CBR4: variants seen among roughly 807,000 people sequenced by gnomAD.
The protein encoded by CBR4 is 3-oxoacyl-[acyl-carrier-protein] reductase.
In CBR4, 22 loss-of-function variants were observed where a neutral mutation model predicts 21.0. The ratio of observed to expected loss-of-function variants is 1.05; its 90% CI spans 0.75 to 1.50. The LOEUF (loss-of-function observed/expected upper bound fraction) is 1.50, where lower values mean the gene tolerates loss of function less well. CBR4 is among the 40% of genes most tolerant of loss of function. The pLI is 0.00. For missense variants in CBR4, 302 were observed against 286.3 expected, an observed-to-expected ratio of 1.05 and a Z score of -0.40; for synonymous variants, 100 against 104.4, an observed-to-expected ratio of 0.96 and a Z score of 0.26.
intron 2 of CBR4, among the ~76,000 whole-genome samples, chr4:168,965,759 A>C (rs1202697073): frequency 6.6e-6 from 1 of 152,204 alleles, no homozygotes; most frequent in Non-Finnish European, 1.5e-5. Context: ...CTCAAGATGG[A>C]TTAAAGACTT....
intron 1 of CBR4, chr4:169,009,204 A>G (rs1316044769): frequency 2.1e-5 from 8 of 382,086 alleles, no homozygotes; most frequent in Non-Finnish European, 4.0e-5. Flanking sequence ...GCATCTTCGG[A>G]TCTAACGTCC....
At chr4:168,926,188 C>CTTAAT in intron 2 of CBR4, 1 of 1,489,570 alleles carries the variant, frequency 6.7e-7, no homozygotes, top group Non-Finnish European at 8.9e-7. Context: ...GATTAAAAAT[C>CTTAAT]TTAATTTACT....
chr4:168,954,368 T>C (rs1763626646), intron 2 of CBR4, among the ~76,000 whole-genome samples: 1 of 152,192 alleles, frequency 6.6e-6, no homozygotes. Flanking sequence ...GAAAAGAGAT[T>C]TATTTGCTTC....
chr4:168,952,504 T>G (rs1763569595), intron 2 of CBR4, among the ~76,000 whole-genome samples: 1 of 152,196 alleles, frequency 6.6e-6, no homozygotes. Context: ...TTTTGTCATA[T>G]TACCAGAGTT....
At chr4:168,909,044 A>G (rs1758373526) in intron 2 of CBR4, among the ~76,000 whole-genome samples, 1 of 152,222 alleles carries the variant, frequency 6.6e-6, no homozygotes, top group Admixed American at 6.5e-5. Flanking sequence ...GCAATTCATA[A>G]GAGACCAAAG....
intron 2 of CBR4, among the ~76,000 whole-genome samples, chr4:168,982,556 T>C (rs949176245): frequency 6.6e-6 from 1 of 152,164 alleles, no homozygotes; most frequent in African/African-American, 2.4e-5. Flanking sequence ...AACTTGGTAC[T>C]TGACCAAATG....
intron 2 of CBR4, among the ~76,000 whole-genome samples, chr4:168,913,552 A>G (rs1046363888): frequency 6.6e-6 from 1 of 152,168 alleles, no homozygotes; most frequent in Non-Finnish European, 1.5e-5. Flanking sequence ...GACCATGAAA[A>G]TGGAATCTTC....
chr4:169,001,969 A>T, intron 4 of CBR4, 102 bp downstream of exon 4: 1 of 1,109,624 alleles, frequency 9.0e-7, no homozygotes, highest in Non-Finnish European at 1.2e-6. Flanking sequence ...CAATCATTTT[A>T]CAAACTATTC....
chr4:168,936,566 T>C (rs111882523), intron 2 of CBR4, among the ~76,000 whole-genome samples: 526 of 152,120 alleles, frequency 3.5e-3, no homozygotes, highest in Middle Eastern at 0.014. Context: ...CTAACTAGAA[T>C]AACCAGTTTA....
intron 2 of CBR4, among the ~76,000 whole-genome samples, chr4:168,905,693 C>G (rs192794897): frequency 1.6e-3 from 240 of 151,822 alleles, no homozygotes; most frequent in Non-Finnish European, 2.1e-3. Flanking sequence ...GACCATCACC[C>G]TGAAAAAGTC....
chr4:168,936,709 A>C (rs1384072634), intron 2 of CBR4, among the ~76,000 whole-genome samples: 5 of 152,194 alleles, frequency 3.3e-5, no homozygotes, highest in African/African-American at 9.6e-5. Context: ...ACTTAACGAA[A>C]TAAAGCATGA....
At chr4:168,897,636 G>C (rs1486837211) in intron 2 of CBR4, among the ~76,000 whole-genome samples, 1 of 152,102 alleles carries the variant, frequency 6.6e-6, no homozygotes, top group Non-Finnish European at 1.5e-5. Context: ...ATTTTTTGTA[G>C]AGATGGGGTC....
intron 2 of CBR4, among the ~76,000 whole-genome samples, chr4:168,950,277 C>T (rs1463385145): frequency 6.6e-6 from 1 of 152,086 alleles, no homozygotes; most frequent in African/African-American, 2.4e-5. Flanking sequence ...CCGCCTTTGC[C>T]GTATCCCAGA....
At chr4:168,901,895 A>G (rs145795890) in intron 2 of CBR4, among the ~76,000 whole-genome samples, 70 of 152,322 alleles carry the variant, frequency 4.6e-4, no homozygotes, top group Non-Finnish European at 8.7e-4. Flanking sequence ...TAAAATAATT[A>G]TGAAGTATGA....
chr4:169,002,146 C>T lies in CBR4; in HGVS notation c.460G>A (p.Gly154Arg). The T allele has an allele frequency of 1.3e-6, 2 of 1,590,254 alleles. No homozygotes were observed. Among genetic ancestry groups the T allele is most frequent in the South Asian group, 2.3e-5 (2 of 88,084 alleles). Reference protein sequence around the residue: ...GQSVYSASKGGLVGFSRALAK... With the variant: ...GQSVYSASKGRLVGFSRALAK... ...AGAGCACGTGAAAATCCAACTAATC[C>T]TCCTTTACTGGCACTGTAAACGGAC... Residue 154 changes from glycine (G) to arginine (R), a missense_variant, in exon 4 of 5, where the codon GGA (glycine) becomes AGA (arginine). Coordinates refer to ENST00000306193, the MANE Select transcript of CBR4 (RefSeq NM_032783.5).
intron 2 of CBR4, among the ~76,000 whole-genome samples, chr4:168,963,971 T>C (rs1174708177): frequency 6.6e-6 from 1 of 151,998 alleles, no homozygotes; most frequent in Non-Finnish European, 1.5e-5. Flanking sequence ...CCAATCACAA[T>C]GAATGGCAGT....
chr4:168,910,662 T>C (rs1313512033), intron 2 of CBR4, among the ~76,000 whole-genome samples: 1 of 152,160 alleles, frequency 6.6e-6, no homozygotes, highest in African/African-American at 2.4e-5. Flanking sequence ...TAAGAACCCA[T>C]TAGGTATTAA....
intron 3 of CBR4, among the ~76,000 whole-genome samples, chr4:169,006,479 G>C (rs1730921784): frequency 6.6e-6 from 1 of 152,164 alleles, no homozygotes; most frequent in Admixed American, 6.5e-5. Context: ...TTCCATATGG[G>C]CTCTGGACAA....
intron 2 of CBR4, among the ~76,000 whole-genome samples, chr4:168,959,874 T>A (rs368984182): frequency 2.1e-5 from 3 of 143,682 alleles, no homozygotes; most frequent in African/African-American, 2.6e-5. Context: ...CAATTTCTAT[T>A]AAAAAAAAAA....
Sources: allele counts gnomAD v4.1 joint callset (sites outside exome capture counted in the v4.1 genomes callset), GRCh38; gene constraint gnomAD v4.1.1; transcripts MANE v1.5; gene names NCBI Gene and HGNC (gene_info 2026-07-23, HGNC 2026-07-21).